The following PCDHA1 variants were observed in gnomAD, a reference collection of about 807,000 sequenced individuals.
PCDHA1 encodes protocadherin alpha 1, also known as protocadherin alpha-1.
Under a neutral mutation model 61.3 loss-of-function variants are expected in PCDHA1, and 42 were observed. That is an observed-to-expected ratio of 0.69 (90% confidence interval 0.54 to 0.89). The LOEUF is 0.89. Ranked by LOEUF, PCDHA1 falls within the 40% of genes least tolerant of loss-of-function variation. PCDHA1 has a pLI of 0.00. For synonymous variants in PCDHA1, 610 were observed against 553.8 expected, an observed-to-expected ratio of 1.10 and a Z score of -1.43; for missense variants, 1,256 against 1,235.3, an observed-to-expected ratio of 1.02 and a Z score of -0.25.
At chr5:140,796,933 C>A (rs1311910675) in intron 1 of PCDHA1, 3 of 1,613,746 alleles carry the variant, frequency 1.9e-6, no homozygotes, top group Non-Finnish European at 2.5e-6. Context: ...CCACGGCGAA[C>A]CAGCGTTGAC....
intron 2 of PCDHA1, among the ~76,000 whole-genome samples, chr5:140,979,404 C>T (rs2096848893): frequency 6.6e-6 from 1 of 151,980 alleles, no homozygotes; most frequent in Non-Finnish European, 1.5e-5. Context: ...ATGTTGTCTA[C>T]CTTGTTTTTT....
chr5:140,966,714 G>C, intron 1 of PCDHA1: 1 of 1,394,064 alleles, frequency 7.2e-7, no homozygotes, highest in South Asian at 1.6e-5. Flanking sequence ...GGCACGGCTG[G>C]GGAAGCTGCC....
In PCDHA1 at chr5:140,869,461, A is replaced by G. The variant is rs372195509; in HGVS notation, c.2394+80777A>G. ...CAGGCCGCTGCAGGTTTTCCATGTG[A>G]ACGTGGAGGTGAAGGACATTAACGA... On this transcript the variant is annotated intron_variant, in intron 1 of 3. Transcript: ENST00000504120. 5.8e-5 allele frequency: 94 copies of G among 1,614,148 alleles called. No homozygotes were observed. In the African/African-American group the frequency reaches 7.9e-4, roughly 13 times the overall value.
chr5:141,001,316 C>T (rs2098007805), intron 3 of PCDHA1, among the ~76,000 whole-genome samples: 2 of 152,096 alleles, frequency 1.3e-5, no homozygotes, highest in African/African-American at 4.8e-5. Flanking sequence ...AAATAATTTG[C>T]CAAACATCAC....
At position 140,843,365 on chromosome 5, in the gene PCDHA1, C is replaced by G. The variant is rs2150358343; in HGVS notation, c.2394+54681C>G. ...CCAGGCTCCAAAAGCGTCATCGAGGCAGTCGGCTGGCGTTTTGGGTCCGGA... is the reference window on the plus strand; with the variant it reads ...CCAGGCTCCAAAAGCGTCATCGAGGGAGTCGGCTGGCGTTTTGGGTCCGGA... On this transcript the variant is annotated intron_variant, in intron 1 of 3. Transcript: ENST00000504120. 3 of 1,595,994 alleles carry G rather than the reference C, an allele frequency of 1.9e-6. No individual in the cohort carries two copies. The highest frequency in any genetic ancestry group is 2.6e-6 in the Non-Finnish European group (3 of 1,165,606).
At chr5:140,804,275 G>GCATCTTTGTT (rs1483293729) in intron 1 of PCDHA1, 4 of 151,952 alleles carry the variant, frequency 2.6e-5, no homozygotes, top group Non-Finnish European at 5.9e-5. Flanking sequence ...ATTTAGAATT[G>GCATCTTTGTT]CATCTTTGTT....
intron 1 of PCDHA1, among the ~76,000 whole-genome samples, chr5:140,806,447 A>G (rs531221120): frequency 4.4e-4 from 67 of 152,310 alleles, no homozygotes; most frequent in Middle Eastern, 6.8e-3. Context: ...CATGCAAGCT[A>G]TTTGCTATAA....
intron 1 of PCDHA1, chr5:140,871,459 G>A (rs781872546): frequency 6.2e-6 from 10 of 1,605,178 alleles, no homozygotes; most frequent in Admixed American, 1.7e-5. Flanking sequence ...GGAGGAAGGG[G>A]AAAGACAGGA....
intron 1 of PCDHA1, chr5:140,868,387 A>G: frequency 1.3e-5 from 2 of 152,312 alleles, no homozygotes; most frequent in South Asian, 4.1e-4. Context: ...AATGAGAACT[A>G]TAGAAAATAG....
chr5:140,927,306 G>T (rs782091835), intron 1 of PCDHA1: 10 of 1,614,040 alleles, frequency 6.2e-6, no homozygotes, highest in Non-Finnish European at 5.9e-6. Context: ...AGTTCCTGAC[G>T]CCCGGAGCCC....
chr5:140,882,169 C>A, intron 1 of PCDHA1: 1 of 1,511,484 alleles, frequency 6.6e-7, no homozygotes, highest in Non-Finnish European at 8.8e-7. Flanking sequence ...TCTTGCGAAT[C>A]CTTCCGCACT....
In PCDHA1 at chr5:140,835,453, TC is replaced by T. The variant is rs1554134997; in HGVS notation, c.2394+46772del. 1.9e-6 allele frequency: 3 copies of T among 1,613,816 alleles called. No homozygotes were observed. The Admixed American group carries it at 5.0e-5, about 27-fold the overall frequency. ...CAGTTGACTCTCACTTCCCTGTCTC[TC>T]CCTATTCCAGAGGACGCCCAACCAG... On this transcript the variant is annotated intron_variant, in intron 1 of 3. Transcript: ENST00000504120.
chr5:140,948,986 T>C (rs2094331337), intron 1 of PCDHA1, among the ~76,000 whole-genome samples: 1 of 151,752 alleles, frequency 6.6e-6, no homozygotes, highest in Non-Finnish European at 1.5e-5. Context: ...ACTGCTTTAT[T>C]TGCATTTTAC....
At chr5:140,869,066 T>G (rs782722664) in intron 1 of PCDHA1, 1 of 1,567,422 alleles carries the variant, frequency 6.4e-7, no homozygotes, top group Non-Finnish European at 8.6e-7. Context: ...GTACTGTAAG[T>G]GTAAAGAAGC....
At chr5:140,968,332 C>T (rs2096240603) in intron 1 of PCDHA1, 2 of 1,614,158 alleles carry the variant, frequency 1.2e-6, no homozygotes, top group Non-Finnish European at 1.7e-6. Flanking sequence ...CCTCCTATGT[C>T]TCCATTAACA....
intron 1 of PCDHA1, among the ~76,000 whole-genome samples, chr5:140,962,347 C>A (rs191780691): frequency 1.7e-4 from 26 of 152,244 alleles, no homozygotes; most frequent in African/African-American, 5.3e-4. Flanking sequence ...AAGTAAAACT[C>A]CCCCCAATAC....
intron 3 of PCDHA1, among the ~76,000 whole-genome samples, chr5:140,992,857 C>G (rs1234991129): frequency 6.6e-6 from 1 of 152,148 alleles, no homozygotes; most frequent in African/African-American, 2.4e-5. Context: ...ACCAGTTTCA[C>G]TCTAGCTCCC....
chr5:140,837,661 T>C (rs1775184635), intron 1 of PCDHA1, among the ~76,000 whole-genome samples: 1 of 151,786 alleles, frequency 6.6e-6, no homozygotes, highest in East Asian at 1.9e-4. Flanking sequence ...TCCTTTTTCT[T>C]TCATTCTTTT....
intron 1 of PCDHA1, chr5:140,968,409 C>G: frequency 3.7e-6 from 6 of 1,614,024 alleles, no homozygotes; most frequent in South Asian, 1.1e-5. Context: ...TTCTTTGTGA[C>G]TGTGGAGGCT....
Sources: gnomAD v4.1 joint callset for allele counts (sites outside exome capture counted in the v4.1 genomes callset) on GRCh38, gnomAD v4.1.1 for gene constraint, MANE v1.5 for transcripts, NCBI Gene and HGNC (gene_info 2026-07-23, HGNC 2026-07-21) for gene names.